LILRA5: variants seen among roughly 807,000 people sequenced by gnomAD.
LILRA5 encodes the protein leukocyte immunoglobulin-like receptor subfamily A member 5.
Under a neutral mutation model 36.3 loss-of-function variants are expected in LILRA5, and 31 were observed. That is an observed-to-expected ratio of 0.85 (90% confidence interval 0.64 to 1.15). The LOEUF is 1.15. LILRA5 is among the 50% of genes most tolerant of loss of function. The pLI is 0.00. For synonymous variants in LILRA5, 144 were observed against 144.8 expected (o/e 0.99, Z 0.04); for missense variants, 348 against 377.4 (o/e 0.92, Z 0.64).
intron 3 of LILRA5, 38 bp from the exon 4 acceptor site, chr19:54,312,186 CA>C (rs751690514): frequency 6.2e-7 from 1 of 1,611,348 alleles, no homozygotes; most frequent in Admixed American, 1.7e-5. Context: ...AAGACCTCCC[CA>C]CCCCTCAGAT....
At chr19:54,311,171 G>A in intron 5 of LILRA5, 1 of 1,078,124 alleles carries the variant, frequency 9.3e-7, no homozygotes, top group Middle Eastern at 3.5e-4. Flanking sequence ...GGCCAGGCTG[G>A]TCTTGAACTC....
chr19:54,308,363 ATATATATATATATATATATATATATAT>A (rs2080932091), intron 5 of LILRA5: 2 of 15,900 alleles, frequency 1.3e-4, no homozygotes, highest in Non-Finnish European at 2.3e-4. Flanking sequence ...AAATATATAT[ATATATATATATATATATATATATATAT>A]ATATATATAT....
rs528277493 is a variant in LILRA5 at position 54,309,061 on chromosome 19, G to A, written c.713-1313C>T. ...TAAATTTTATCAGTAAATTTGGGGA[G>A]ATCAGTTGAAAGATAATTGAAAGGG... On this transcript the variant is annotated intron_variant, in intron 5 of 6. Transcript: ENST00000432233. 8.7e-4 allele frequency: 133 copies of A among 152,194 alleles called. 1 individual carries two copies. The highest frequency in any genetic ancestry group is 3.1e-3 in the African/African-American group (128 of 41,530). The allele number at this position is 152,194 out of a possible 1,614,324, so 9.4% of individuals were successfully genotyped here.
At position 54,312,574 on chromosome 19, in the gene LILRA5, G is replaced by A. The variant is rs143927346; in HGVS notation, c.51C>T (p.Asp17=). Residue 17 remains aspartate (D), a synonymous_variant, in exon 2 of 7, where the codon GAC becomes GAT. Transcript: ENST00000432233. Reference sequence around the variant, plus strand: ...GAACCATGAGGGCAGGGCTCACGGCGTCTCCTCCCACTGGCTGCAGCTGTG... The same window carrying A: ...GAACCATGAGGGCAGGGCTCACGGCATCTCCTCCCACTGGCTGCAGCTGTG... ...PSAQLQPVGG[D]AVSPALMVLL... 2.7e-3 allele frequency: 4,391 copies of A among 1,614,164 alleles called. 10 individuals are homozygous for A. The highest frequency in any genetic ancestry group is 4.0e-3 in the Admixed American group (238 of 60,022).
intron 5 of LILRA5, 138 bp from the exon 6 acceptor site, chr19:54,307,886 C>G: frequency 2.9e-6 from 2 of 679,060 alleles, no homozygotes; most frequent in Non-Finnish European, 5.3e-6. Flanking sequence ...TAAACCCTCC[C>G]TCTGCTGGAG....
At chr19:54,310,833 GC>G in intron 5 of LILRA5, 1 of 248,692 alleles carries the variant, frequency 4.0e-6, no homozygotes. Flanking sequence ...CCACAACAGG[GC>G]CCTGCGGGGT....
intron 1 of LILRA5, 130 bp from the exon 2 acceptor site, chr19:54,312,751 A>C: frequency 2.1e-6 from 2 of 961,948 alleles, no homozygotes; most frequent in South Asian, 1.5e-5. Context: ...TCATTTCCCC[A>C]GGGCTGAAGT....
Position 54,307,367 on chromosome 19 carries a change from G to A in LILRA5, c.*46C>T, listed in dbSNP as rs185875653. 1.0e-3 allele frequency: 1,587 copies of A among 1,560,334 alleles called. 15 individuals carry two copies. The highest frequency in any genetic ancestry group is 1.0e-3 in the East Asian group (46 of 44,454). On this transcript the variant is annotated 3_prime_UTR_variant, in exon 7 of 7. Coordinates refer to ENST00000432233, the MANE Select transcript of LILRA5 (RefSeq NM_021250.4). The stretch of plus-strand genomic sequence containing the variant: ...CGAACCTCCTAGGACCATCAGATTC[G>A]CTTCCAAGGCTCCAGCATTCAATGG...
chr19:54,307,258 A>AAG lies in LILRA5; in HGVS notation c.*154_*155insCT, dbSNP rs2080893638. ...ACTCCATCTCAAAAAAAAAAAAAAA[A>AAG]AAAAAAAAGAAAGAAAAGAAAAGAA... is the stretch of plus-strand genomic sequence containing the variant. On this transcript the variant is annotated 3_prime_UTR_variant, in exon 7 of 7. Coordinates refer to ENST00000432233, the MANE Select transcript of LILRA5 (RefSeq NM_021250.4). The AAG allele has an allele frequency of 1.9e-6, 1 of 530,836 alleles. No homozygotes were observed. The highest frequency in any genetic ancestry group is 4.4e-5 in the Admixed American group (1 of 22,748). The allele number at this position is 530,836 out of a possible 1,614,324, so 32.9% of individuals were successfully genotyped here.
In LILRA5 at chr19:54,311,495, T is replaced by A. The variant is rs1430029943; in HGVS notation, c.631A>T (p.Met211Leu). ...VGPVTPSHRW[M>L]LRCYGSRRHI... ...CTGCGAGAGCCATAGCATCTGAGCA[T>A]CCACCTGTGGCTGGGGGTCACAGGG... The change falls in exon 5 of 7, where the codon ATG becomes TTG. Residue 211 changes from methionine to leucine, a missense_variant. Transcript: ENST00000432233. 1 of 1,614,136 alleles carries A rather than the reference T, an allele frequency of 6.2e-7. No individual in the cohort carries two copies.
At position 54,307,683 on chromosome 19, in the gene LILRA5, C is replaced by T; in HGVS notation, c.763+15G>A. On this transcript the variant is annotated intron_variant, in intron 6 of 6. Coordinates refer to ENST00000432233, the MANE Select transcript of LILRA5 (RefSeq NM_021250.4). ...TCTGTGCCAGTTCCATAACTGAGAG[C>T]ATCTCCTCACTCACCAGTCCCAGAG... 2 of 1,614,060 alleles carry T rather than the reference C, an allele frequency of 1.2e-6. No individual in the cohort carries two copies. The highest frequency in any genetic ancestry group is 1.7e-6 in the Non-Finnish European group (2 of 1,179,914).
intron 4 of LILRA5, 52 bp from the exon 5 acceptor site, chr19:54,311,768 T>A: frequency 6.2e-7 from 1 of 1,609,480 alleles, no homozygotes; most frequent in East Asian, 2.2e-5. Flanking sequence ...TCCCACATCA[T>A]CCCCAGGGCT....
chr19:54,312,783 A>C (rs1157032648), intron 1 of LILRA5, 162 bp from the exon 2 acceptor site: 4 of 806,646 alleles, frequency 5.0e-6, no homozygotes, highest in Non-Finnish European at 7.9e-6. Context: ...GACTACAGGC[A>C]CCAGGCTCTC....
At chr19:54,310,704 G>T in intron 5 of LILRA5, 1 of 333,792 alleles carries the variant, frequency 3.0e-6, no homozygotes, top group Non-Finnish European at 6.1e-6. Flanking sequence ...GTCAGCCTGG[G>T]AGAGCCCAGC....
Position 54,313,023 on chromosome 19 carries a change from C to G in LILRA5, c.-4G>C. On this transcript the variant is annotated 5_prime_UTR_variant, in exon 1 of 7. Transcript: ENST00000432233. The stretch of plus-strand genomic sequence containing the variant: ...AGCGTTGCGGGGTCCTTACCATGGT[C>G]AGTGATTTTTCAGCCCTGGAGATGC... 6.2e-7 allele frequency: 1 copy of G among 1,612,076 alleles called. No homozygotes were observed. Among genetic ancestry groups the G allele is most frequent in the Non-Finnish European group, 8.5e-7 (1 of 1,178,410 alleles).
Position 54,307,385 on chromosome 19 carries a change from T to G in LILRA5, c.*28A>C. ...CAGATTCGCTTCCAAGGCTCCAGCATTCAATGGTGCATTGTTCTCTCTTCT... is the reference window on the plus strand; with the variant it reads ...CAGATTCGCTTCCAAGGCTCCAGCAGTCAATGGTGCATTGTTCTCTCTTCT... On this transcript the variant is annotated 3_prime_UTR_variant, in exon 7 of 7. Coordinates refer to ENST00000432233, the MANE Select transcript of LILRA5 (RefSeq NM_021250.4). 3 of 1,582,588 alleles carry G rather than the reference T, an allele frequency of 1.9e-6. No individual in the cohort carries two copies. Among genetic ancestry groups the G allele is most frequent in the Non-Finnish European group, 2.6e-6 (3 of 1,164,334 alleles).
chr19:54,312,828 C>T, intron 1 of LILRA5, 189 bp downstream of exon 1: 1 of 813,588 alleles, frequency 1.2e-6, no homozygotes, highest in Non-Finnish European at 2.0e-6. Flanking sequence ...GGTCTCCCTT[C>T]CCCGGGCCAC....
At chr19:54,307,579 G>A (rs2147842952) in intron 6 of LILRA5, 30 bp from the exon 7 acceptor site, 2 of 1,613,886 alleles carry the variant, frequency 1.2e-6, no homozygotes, top group East Asian at 2.2e-5. Flanking sequence ...AGGTCACAGA[G>A]GTCAGGGCAG....
At chr19:54,312,277 G>T (rs542228841) in intron 3 of LILRA5, 58 bp downstream of exon 3, 1 of 1,613,946 alleles carries the variant, frequency 6.2e-7, no homozygotes, top group East Asian at 2.2e-5. Context: ...GCTGCCCATG[G>T]GTGGCCCTTT....
Sources: allele counts gnomAD v4.1 joint callset, GRCh38; gene constraint gnomAD v4.1.1; transcripts MANE v1.5; gene names NCBI Gene and HGNC (gene_info 2026-07-23, HGNC 2026-07-21).